SLC8A3: variants seen among roughly 807,000 people sequenced by gnomAD.
The protein encoded by SLC8A3 is solute carrier family 8 member A3, also known as sodium/calcium exchanger 3.
SLC8A3 carries 37 observed loss-of-function variants against 65.4 expected under a neutral mutation model. The ratio of observed to expected loss-of-function variants is 0.57; its 90% CI spans 0.44 to 0.74. The LOEUF (loss-of-function observed/expected upper bound fraction) is 0.74, where lower values mean the gene tolerates loss of function less well. Among genes scored for constraint, SLC8A3 ranks in the 30% least tolerant of loss-of-function variants. The pLI is 0.00. For synonymous variants in SLC8A3, 461 were observed against 444.5 expected (o/e 1.04, Z -0.47); for missense variants, 1,112 against 1,172.1 (o/e 0.95, Z 0.75).
intron 2 of SLC8A3, among the ~76,000 whole-genome samples, chr14:70,102,241 A>C (rs1384943259): frequency 6.6e-6 from 1 of 152,254 alleles, no homozygotes; most frequent in African/African-American, 2.4e-5. Context: ...GGAGCATACA[A>C]TAGAGCAAGA....
rs1886659546 is a variant in SLC8A3, at chr14:70,045,496, C to T, written c.*451G>A. On this transcript the variant is annotated 3_prime_UTR_variant, in exon 7 of 7. Coordinates refer to ENST00000356921, the MANE Select transcript of SLC8A3 (RefSeq NM_182932.3). ...TTACAATGAAAAAAGAACCCCACCC[C>T]AGCCACATGAATGTGACTCATTTTC... The T allele has an allele frequency of 6.5e-6, 1 of 154,844 alleles. No homozygotes were observed. Among genetic ancestry groups the T allele is most frequent in the Admixed American group, 6.5e-5 (1 of 15,378 alleles). The allele number at this position is 154,844 out of a possible 1,614,324, so 9.6% of individuals were successfully genotyped here. A position where few individuals can be genotyped will look rare whatever the true frequency, so the allele number is the denominator to read the frequency against.
Position 70,167,998 on chromosome 14 carries a change from C to G in SLC8A3, c.425G>C (p.Gly142Ala), listed in dbSNP as rs768757308. 1.2e-6 allele frequency: 2 copies of G among 1,614,014 alleles called. No homozygotes were observed. The highest frequency in any genetic ancestry group is 2.2e-5 in the East Asian group (1 of 44,898). Reference sequence around the variant, plus strand: ...GAGGAGTATCTCAGGAGCAGAGGAACCCAGGGCCATAAGGGTCAGGTTGGA... The same window carrying G: ...GAGGAGTATCTCAGGAGCAGAGGAAGCCAGGGCCATAAGGGTCAGGTTGGA... ...TVSNLTLMAL[G>A]SSAPEILLSL... Residue 142 changes from glycine (G) to alanine (A), a missense_variant, in exon 2 of 7, where the codon GGT becomes GCT. Transcript: ENST00000356921.
At chr14:70,132,006 T>C (rs1429115473) in intron 2 of SLC8A3, among the ~76,000 whole-genome samples, 1 of 152,250 alleles carries the variant, frequency 6.6e-6, no homozygotes, top group Non-Finnish European at 1.5e-5. Flanking sequence ...ACCTTCCAAG[T>C]TGTCCCTTGA....
intron 2 of SLC8A3, among the ~76,000 whole-genome samples, chr14:70,130,865 C>T (rs1221480873): frequency 6.6e-6 from 1 of 152,198 alleles, no homozygotes; most frequent in Non-Finnish European, 1.5e-5. Context: ...AGAGTAAGAG[C>T]CACTGGCATG....
intron 2 of SLC8A3, among the ~76,000 whole-genome samples, chr14:70,082,412 G>C (rs1192360846): frequency 1.3e-5 from 2 of 152,062 alleles, no homozygotes; most frequent in Admixed American, 1.3e-4. Context: ...GATTGCATTT[G>C]TTCAGTTGTT....
intron 2 of SLC8A3, among the ~76,000 whole-genome samples, chr14:70,145,116 G>T (rs1054166534): frequency 3.3e-5 from 5 of 152,320 alleles, no homozygotes; most frequent in African/African-American, 9.6e-5. Context: ...AACTGAGTAT[G>T]AAATGAAAAA....
intron 2 of SLC8A3, among the ~76,000 whole-genome samples, chr14:70,113,864 C>T (rs1893475887): frequency 6.6e-6 from 1 of 152,094 alleles, no homozygotes; most frequent in South Asian, 2.1e-4. Context: ...AGTTCAAGGT[C>T]AAATCAGAAC....
chr14:70,047,137 A>C (rs1336808391), intron 6 of SLC8A3: 1 of 152,250 alleles, frequency 6.6e-6, no homozygotes, highest in Non-Finnish European at 1.5e-5. Flanking sequence ...AAATCAGATG[A>C]GTGGATCACA....
At chr14:70,112,160 GC>G (rs1893350522) in intron 2 of SLC8A3, among the ~76,000 whole-genome samples, 1 of 152,330 alleles carries the variant, frequency 6.6e-6, no homozygotes, top group Admixed American at 6.5e-5. Context: ...ACTGAGTCTC[GC>G]CATTAGGCGA....
At chr14:70,103,073 T>C (rs1402534141) in intron 2 of SLC8A3, among the ~76,000 whole-genome samples, 2 of 152,058 alleles carry the variant, frequency 1.3e-5, no homozygotes, top group East Asian at 3.9e-4. Flanking sequence ...AGAAAAATAA[T>C]ACATTGTGTA....
At chr14:70,105,855 T>C (rs993894508) in intron 2 of SLC8A3, among the ~76,000 whole-genome samples, 8 of 152,168 alleles carry the variant, frequency 5.3e-5, no homozygotes, top group African/African-American at 1.9e-4. Context: ...TAGTATCAGA[T>C]TGAACCCAGA....
At chr14:70,157,400 AG>A (rs535375267) in intron 2 of SLC8A3, among the ~76,000 whole-genome samples, 56 of 152,284 alleles carry the variant, frequency 3.7e-4, no homozygotes, top group African/African-American at 1.3e-3. Context: ...GGGTGGGAGA[AG>A]GGGGCACTTG....
chr14:70,172,809 A>T (rs1897633578), intron 1 of SLC8A3, among the ~76,000 whole-genome samples: 1 of 152,212 alleles, frequency 6.6e-6, no homozygotes, highest in Non-Finnish European at 1.5e-5. Context: ...GAGAATGTGA[A>T]GAGGGCACTG....
At chr14:70,136,076 T>A (rs1427482919) in intron 2 of SLC8A3, among the ~76,000 whole-genome samples, 1 of 152,088 alleles carries the variant, frequency 6.6e-6, no homozygotes, top group Non-Finnish European at 1.5e-5. Flanking sequence ...AAATAAAAAC[T>A]TCTGTGCCTC....
chr14:70,108,937 C>G (rs1252165746), intron 2 of SLC8A3, among the ~76,000 whole-genome samples: 1 of 152,140 alleles, frequency 6.6e-6, no homozygotes, highest in Non-Finnish European at 1.5e-5. Context: ...TCACCAATAT[C>G]TGCCTGTTTA....
At chr14:70,067,863 C>T (rs117178188) in intron 2 of SLC8A3, among the ~76,000 whole-genome samples, 1,805 of 152,284 alleles carry the variant, frequency 0.012, 13 homozygotes, top group Middle Eastern at 0.027. Context: ...AGTTCTTCTT[C>T]CCGCACAGTG....
intron 2 of SLC8A3, among the ~76,000 whole-genome samples, chr14:70,077,123 C>G (rs1001862228): frequency 4.6e-5 from 7 of 152,268 alleles, no homozygotes; most frequent in Admixed American, 3.9e-4. Context: ...TAAGTTATAA[C>G]TGGAGCAACC....
At chr14:70,171,608 C>G (rs1438310986) in intron 1 of SLC8A3, among the ~76,000 whole-genome samples, 2 of 152,144 alleles carry the variant, frequency 1.3e-5, no homozygotes, top group African/African-American at 4.8e-5. Flanking sequence ...CAAGGCCAGC[C>G]TGACCAACAT....
chr14:70,104,497 G>A (rs764916275), intron 2 of SLC8A3, among the ~76,000 whole-genome samples: 43 of 152,062 alleles, frequency 2.8e-4, no homozygotes, highest in Non-Finnish European at 4.1e-4. Flanking sequence ...GAATCAATTC[G>A]TCTATTATTT....
Sources: gnomAD v4.1 joint callset for allele counts (sites outside exome capture counted in the v4.1 genomes callset) on GRCh38, gnomAD v4.1.1 for gene constraint, MANE v1.5 for transcripts, NCBI Gene and HGNC (gene_info 2026-07-23, HGNC 2026-07-21) for gene names.